The following ARHGEF11 variants were observed in gnomAD, a reference collection of about 807,000 sequenced individuals.
The protein encoded by ARHGEF11 is Rho guanine nucleotide exchange factor 11.
A neutral mutation model predicts 193.7 loss-of-function variants in ARHGEF11; 55 were observed. The ratio of observed to expected loss-of-function variants is 0.28; its 90% CI spans 0.23 to 0.36. The LOEUF (loss-of-function observed/expected upper bound fraction) is 0.36. ARHGEF11 is among the 10% of genes least tolerant of loss of function. The pLI, the probability that ARHGEF11 is intolerant of heterozygous loss-of-function variation, is 1.00. For missense variants in ARHGEF11, 1,723 were observed against 2,005.6 expected, an observed-to-expected ratio of 0.86 and a Z score of 2.69; for synonymous variants, 693 against 768.0, an observed-to-expected ratio of 0.90 and a Z score of 1.62.
chr1:157,035,059 A>G (rs1273046259), intron 1 of ARHGEF11, among the ~76,000 whole-genome samples: 3 of 152,162 alleles, frequency 2.0e-5, no homozygotes, highest in African/African-American at 7.2e-5. Flanking sequence ...AATGAGACCT[A>G]CGATTATTGA....
At chr1:156,965,340 G>C (rs556118452) in intron 11 of ARHGEF11, among the ~76,000 whole-genome samples, 1 of 152,300 alleles carries the variant, frequency 6.6e-6, no homozygotes, top group African/African-American at 2.4e-5. Flanking sequence ...GGGGTATAGA[G>C]AGGGCAATGA....
At chr1:157,035,185 C>T (rs1029005647) in intron 1 of ARHGEF11, among the ~76,000 whole-genome samples, 5 of 152,068 alleles carry the variant, frequency 3.3e-5, no homozygotes, top group African/African-American at 1.2e-4. Context: ...AGCGCTTAGG[C>T]CCCTCATTTT....
chr1:157,028,183 G>A (rs1670878490), intron 1 of ARHGEF11, among the ~76,000 whole-genome samples: 1 of 152,186 alleles, frequency 6.6e-6, no homozygotes, highest in Non-Finnish European at 1.5e-5. Flanking sequence ...GAACAATACT[G>A]ATCTGTGCAA....
At chr1:157,030,454 T>C (rs1671161059) in intron 1 of ARHGEF11, among the ~76,000 whole-genome samples, 2 of 152,108 alleles carry the variant, frequency 1.3e-5, no homozygotes, top group African/African-American at 4.8e-5. Flanking sequence ...CCTCAGGTCC[T>C]AAAGGGGCCA....
chr1:156,942,058 A>G, intron 33 of ARHGEF11, 69 bp from the exon 34 acceptor site: 1 of 1,609,410 alleles, frequency 6.2e-7, no homozygotes, highest in South Asian at 1.1e-5. Context: ...CCCCGTACTG[A>G]GCCCACTGGA....
Position 157,044,791 on chromosome 1 carries a change from C to A in ARHGEF11, c.-461G>T. ...TCTGTTGGCAAGAGACCCTCTAGCT[C>A]AAAGGGGGAAAGTAATTTTCTAGTC... On this transcript the variant is annotated 5_prime_UTR_variant, in exon 1 of 41. Transcript: ENST00000368194. The A allele has an allele frequency of 2.9e-6, 1 of 347,758 alleles. No homozygotes were observed. Among genetic ancestry groups the A allele is most frequent in the African/African-American group, 2.1e-5 (1 of 47,326 alleles). 21.5% of individuals were successfully genotyped at this position (347,758 alleles called of 1,614,324 possible).
intron 22 of ARHGEF11, among the ~76,000 whole-genome samples, chr1:156,950,193 T>G (rs1478861565): frequency 6.6e-6 from 1 of 152,242 alleles, no homozygotes; most frequent in South Asian, 2.1e-4. Context: ...AGTACAAATC[T>G]AACCTTTGTC....
At chr1:157,041,289 G>C (rs754290828) in intron 1 of ARHGEF11, among the ~76,000 whole-genome samples, 2 of 152,082 alleles carry the variant, frequency 1.3e-5, no homozygotes, top group Non-Finnish European at 1.5e-5. Flanking sequence ...ATATATTAAT[G>C]GGCAGTAAGT....
At chr1:157,020,563 T>C (rs1035369348) in intron 1 of ARHGEF11, among the ~76,000 whole-genome samples, 1 of 152,234 alleles carries the variant, frequency 6.6e-6, no homozygotes, top group Non-Finnish European at 1.5e-5. Flanking sequence ...TTTATCTGTT[T>C]GTACATACAT....
At chr1:156,945,850 C>T in intron 29 of ARHGEF11, 195 bp downstream of exon 29, 2 of 522,022 alleles carry the variant, frequency 3.8e-6, no homozygotes, top group Admixed American at 3.3e-5. Flanking sequence ...CTACTCCTCC[C>T]ACTATTAAAC....
intron 1 of ARHGEF11, among the ~76,000 whole-genome samples, chr1:157,002,169 A>T (rs1458487190): frequency 6.6e-6 from 1 of 152,172 alleles, no homozygotes; most frequent in African/African-American, 2.4e-5. Context: ...TCACATGATA[A>T]TGAGGCTTTA....
In ARHGEF11 at chr1:156,963,324, G is replaced by C. The variant is rs1432952210; in HGVS notation, c.1039-20C>G. On this transcript the variant is annotated intron_variant, in intron 12 of 40. Coordinates refer to ENST00000368194, the MANE Select transcript of ARHGEF11 (RefSeq NM_198236.3). ...GTCGCTCTGGAAGGCAGAAGGATGA[G>C]CATGGTGGGAAGCCGGGCACAGCAG... is the stretch of plus-strand genomic sequence containing the variant. The C allele has an allele frequency of 6.2e-7, 1 of 1,606,530 alleles. No homozygotes were observed. The highest frequency in any genetic ancestry group is 1.3e-5 in the African/African-American group (1 of 74,774).
At chr1:156,977,106 T>G (rs1006168) in intron 6 of ARHGEF11, 52 bp from the exon 7 acceptor site, 255,894 of 1,485,448 alleles carry the variant, frequency 0.17, 23,434 homozygotes, top group East Asian at 0.36. Context: ...CTCAACAGCT[T>G]AGCTCTCTTC....
In ARHGEF11 at chr1:156,986,156, G is replaced by C. The variant is rs1430474126; in HGVS notation, c.50C>G (p.Ser17Cys). ...GCGCTCTGGTGCAGAATCTCCCAGA[G>C]AAGACAGGCTACTTAACCTGGAGAA... is the stretch of plus-strand genomic sequence containing the variant. ...QSIDRLSSLS[S>C]LGDSAPERKS... Residue 17 changes from serine to cysteine, a missense_variant, in exon 2 of 41, where the codon TCT (serine) becomes TGT (cysteine). Ser to Cys is a moderately radical substitution (Grantham distance 112). Around this residue, in one of 5 missense-constraint regions of ARHGEF11, gnomAD observed 646 missense variants for 710.7 expected, o/e 0.91. Transcript: ENST00000368194. 1 of 1,613,900 alleles carries C rather than the reference G, an allele frequency of 6.2e-7. No individual in the cohort carries two copies. Among genetic ancestry groups the C allele is most frequent in the Non-Finnish European group, 8.5e-7 (1 of 1,179,854 alleles).
Position 156,947,325 on chromosome 1 carries a change from G to A in ARHGEF11, c.2467C>T (p.Pro823Ser). ...TTACTGTGAATCTCTATGAGTTCAG[G>A]CAGGTTCGGGAAGAGCCGGGCCAGC... is the stretch of plus-strand genomic sequence containing the variant. ...EELARLFPNLPELIEIHNSWC... is the reference protein window; with the variant it reads ...EELARLFPNLSELIEIHNSWC... Residue 823 changes from proline (P) to serine (S), a missense_variant, in exon 26 of 41, where the codon CCT becomes TCT. Pro to Ser is a moderately conservative substitution (Grantham distance 74, BLOSUM62 -1). Coordinates refer to ENST00000368194, the MANE Select transcript of ARHGEF11 (RefSeq NM_198236.3). 6.2e-7 allele frequency: 1 copy of A among 1,611,092 alleles called. No individual in the cohort carries two copies.
At chr1:156,999,909 T>G (rs764315265) in intron 1 of ARHGEF11, among the ~76,000 whole-genome samples, 2 of 152,252 alleles carry the variant, frequency 1.3e-5, no homozygotes, top group African/African-American at 2.4e-5. Flanking sequence ...TTGTACTTTT[T>G]GCAGGGCACT....
At chr1:157,035,968 T>G (rs1397197065) in intron 1 of ARHGEF11, among the ~76,000 whole-genome samples, 17 of 126,752 alleles carry the variant, frequency 1.3e-4, no homozygotes, top group African/African-American at 5.0e-4. Flanking sequence ...TATATGAATC[T>G]ATATATAGGA....
intron 1 of ARHGEF11, among the ~76,000 whole-genome samples, chr1:157,035,252 A>T (rs536451780): frequency 1.3e-5 from 2 of 152,172 alleles, no homozygotes; most frequent in East Asian, 3.9e-4. Flanking sequence ...GTCTGTCCTT[A>T]GTTGAGAATC....
chr1:157,006,323 C>A (rs1667813419), intron 1 of ARHGEF11, among the ~76,000 whole-genome samples: 1 of 152,138 alleles, frequency 6.6e-6, no homozygotes, highest in African/African-American at 2.4e-5. Context: ...GTGGAGCTAT[C>A]CAAGATGGAA....
Sources: gnomAD v4.1 joint callset for allele counts (sites outside exome capture counted in the v4.1 genomes callset) on GRCh38, gnomAD v4.1.1 for gene constraint, gnomAD v4.1.1 regional missense constraint, MANE v1.5 for transcripts, NCBI Gene and HGNC (gene_info 2026-07-23, HGNC 2026-07-21) for gene names.